TUSC3: variants seen among roughly 807,000 people sequenced by gnomAD.
TUSC3 encodes tumor suppressor candidate 3.
Under a neutral mutation model 44.8 loss-of-function variants are expected in TUSC3, and 45 were observed. That is an observed-to-expected ratio of 1.00 (90% CI 0.79 to 1.29). The LOEUF (loss-of-function observed/expected upper bound fraction) is 1.29. Ranked by LOEUF, TUSC3 falls within the 50% of genes most tolerant of loss-of-function variation. TUSC3 has a pLI of 0.00. For missense variants in TUSC3, 519 were observed against 437.9 expected (o/e 1.19, Z -1.65); for synonymous variants, 212 against 152.9 (o/e 1.39, Z -2.85).
intron 1 of TUSC3, among the ~76,000 whole-genome samples, chr8:15,555,063 T>A (rs1482779598): frequency 6.6e-6 from 1 of 150,636 alleles, no homozygotes; most frequent in Non-Finnish European, 1.5e-5. Context: ...ATGTAAGGAA[T>A]TGGTTGTTAT....
chr8:15,724,848 G>A (rs1810440821), intron 6 of TUSC3, among the ~76,000 whole-genome samples: 1 of 152,160 alleles, frequency 6.6e-6, no homozygotes, highest in Non-Finnish European at 1.5e-5. Flanking sequence ...AAATTGGACT[G>A]AAAGAATTCA....
At chr8:15,556,293 G>A (rs1802262433) in intron 1 of TUSC3, among the ~76,000 whole-genome samples, 1 of 149,214 alleles carries the variant, frequency 6.7e-6, no homozygotes, top group African/African-American at 2.5e-5. Context: ...TACTGAGAAT[G>A]TTTTCCAATT....
At chr8:15,748,287 C>G in intron 8 of TUSC3, 88 bp from the exon 9 acceptor site, 1 of 976,956 alleles carries the variant, frequency 1.0e-6, no homozygotes, top group Non-Finnish European at 1.7e-6. Context: ...TGTAAGTATA[C>G]TGTAATTGAA....
At chr8:15,776,881 G>A in the TUSC3 span, among the ~76,000 whole-genome samples, 94 of 151,986 alleles carry the variant, frequency 6.2e-4, no homozygotes, top group Middle Eastern at 3.4e-3. Context: ...TAACATGATG[G>A]GCAAAAAACT....
At chr8:15,596,981 C>T (rs972122962) in intron 1 of TUSC3, among the ~76,000 whole-genome samples, 1 of 151,912 alleles carries the variant, frequency 6.6e-6, no homozygotes, top group African/African-American at 2.4e-5. Context: ...TTAGGTAGCA[C>T]CAGTTGAAAG....
chr8:15,825,860 C>T, the TUSC3 span, among the ~76,000 whole-genome samples: 1 of 148,876 alleles, frequency 6.7e-6, no homozygotes, highest in African/African-American at 2.5e-5. Flanking sequence ...TTGATAGTGA[C>T]CAATTACGGA....
At chr8:15,815,097 T>C in the TUSC3 span, among the ~76,000 whole-genome samples, 1 of 152,104 alleles carries the variant, frequency 6.6e-6, no homozygotes, top group Non-Finnish European at 1.5e-5. Context: ...ATATAAGTAA[T>C]GAGACAATGT....
At chr8:15,760,983 A>C (rs1474523811) in intron 10 of TUSC3, among the ~76,000 whole-genome samples, 1 of 152,112 alleles carries the variant, frequency 6.6e-6, no homozygotes, top group East Asian at 1.9e-4. Flanking sequence ...AATCACACCC[A>C]GGTCTTTCCT....
At chr8:15,488,765 G>A (rs1800768043) in intron 2 of TUSC3, among the ~76,000 whole-genome samples, 1 of 152,098 alleles carries the variant, frequency 6.6e-6, no homozygotes, top group Non-Finnish European at 1.5e-5. Context: ...CCAGGAAGGG[G>A]TCCTTACCAG....
the TUSC3 span, among the ~76,000 whole-genome samples, chr8:15,778,112 CAAAA>C: frequency 1.1e-5 from 1 of 93,446 alleles, no homozygotes; most frequent in Non-Finnish European, 2.2e-5. Context: ...AAAAAAAAAA[CAAAA>C]AACCAAAAAA....
intron 1 of TUSC3, among the ~76,000 whole-genome samples, chr8:15,586,566 A>ACG (rs770538741): frequency 6.6e-6 from 1 of 152,142 alleles, no homozygotes; most frequent in Non-Finnish European, 1.5e-5. Context: ...CAGGACACAC[A>ACG]CTTCTATCTA....
chr8:15,498,850 T>G (rs576064966), intron 2 of TUSC3, among the ~76,000 whole-genome samples: 1 of 152,330 alleles, frequency 6.6e-6, no homozygotes, highest in South Asian at 2.1e-4. Context: ...CTTCACCAAT[T>G]CCTACAATTG....
At chr8:15,678,824 A>G (rs1044116540) in intron 6 of TUSC3, among the ~76,000 whole-genome samples, 3 of 152,086 alleles carry the variant, frequency 2.0e-5, no homozygotes, top group African/African-American at 4.8e-5. Context: ...GTTCTAATGT[A>G]TATGTTCGTA....
At chr8:15,555,729 G>A (rs763668623) in intron 1 of TUSC3, among the ~76,000 whole-genome samples, 16 of 151,596 alleles carry the variant, frequency 1.1e-4, no homozygotes, top group African/African-American at 1.7e-4. Context: ...ATAACTGTTG[G>A]AATATTGCAT....
intron 1 of TUSC3, among the ~76,000 whole-genome samples, chr8:15,591,526 A>G (rs1803838449): frequency 6.6e-6 from 1 of 152,242 alleles, no homozygotes; most frequent in Non-Finnish European, 1.5e-5. Context: ...TAATTCTAGT[A>G]GAAGACAGAA....
At chr8:15,715,462 T>C (rs1294282654) in intron 6 of TUSC3, among the ~76,000 whole-genome samples, 1 of 152,110 alleles carries the variant, frequency 6.6e-6, no homozygotes, top group Non-Finnish European at 1.5e-5. Context: ...AGGTAGCATG[T>C]ACAGTGTGGA....
chr8:15,716,794 A>G (rs1360967972), intron 6 of TUSC3, among the ~76,000 whole-genome samples: 1 of 152,138 alleles, frequency 6.6e-6, no homozygotes, highest in Non-Finnish European at 1.5e-5. Flanking sequence ...AACATTTACT[A>G]TATAGTTATT....
Position 15,614,748 on chromosome 8 carries a change from T to C in TUSC3, c.139-8332T>C, listed in dbSNP as rs548271665. On this transcript the variant is annotated intron_variant, in intron 1 of 10. Coordinates refer to ENST00000503731, the MANE Select transcript of TUSC3 (RefSeq NM_006765.4). ...AATTTAAAGTCATGCTTGTACAAAT[T>C]TGTAAATTGCCTTGGACATAGTAAT... Among the ~76,000 whole-genome samples, 6 of 152,210 alleles carry C rather than the reference T, an allele frequency of 3.9e-5. No individual in the cohort carries two copies. The South Asian group carries it at 8.3e-4, about 21-fold the overall frequency.
intron 1 of TUSC3, among the ~76,000 whole-genome samples, chr8:15,424,806 G>C (rs1450542971): frequency 6.6e-6 from 1 of 152,066 alleles, no homozygotes; most frequent in Non-Finnish European, 1.5e-5. Context: ...CTTGAACCGG[G>C]AGGCAGAGGT....
Sources: gnomAD v4.1 joint callset for allele counts (sites outside exome capture counted in the v4.1 genomes callset) on GRCh38, gnomAD v4.1.1 for gene constraint, MANE v1.5 for transcripts, NCBI Gene and HGNC (gene_info 2026-07-23, HGNC 2026-07-21) for gene names.